The following ASXL1 variants were observed in gnomAD, a reference collection of about 807,000 sequenced individuals.
The protein encoded by ASXL1 is ASXL transcriptional regulator 1, also known as polycomb group protein ASXL1.
Under a neutral mutation model 89.1 loss-of-function variants are expected in ASXL1, and 65 were observed. That is an observed-to-expected ratio of 0.73 (90% CI 0.60 to 0.90). The LOEUF is 0.90. Among genes scored for constraint, ASXL1 ranks in the 40% least tolerant of loss-of-function variants. ASXL1 has a pLI of 0.00. For missense variants in ASXL1, 1,786 were observed against 1,942.9 expected (o/e 0.92, Z 1.52); for synonymous variants, 739 against 746.9 (o/e 0.99, Z 0.17).
At chr20:32,430,202 T>G in intron 8 of ASXL1, 149 bp downstream of exon 8, 1 of 1,102,070 alleles carries the variant, frequency 9.1e-7, no homozygotes, top group East Asian at 2.6e-5. Flanking sequence ...ACTTTGTAAT[T>G]TGCTTATTTC....
chr20:32,372,369 G>T, intron 4 of ASXL1: 1 of 1,136,668 alleles, frequency 8.8e-7, no homozygotes, highest in South Asian at 2.8e-5. Flanking sequence ...TTGTTCATTG[G>T]CCTTTTACAT....
intron 4 of ASXL1, among the ~76,000 whole-genome samples, chr20:32,390,717 C>G (rs1442417384): frequency 6.6e-6 from 1 of 152,064 alleles, no homozygotes; most frequent in Non-Finnish European, 1.5e-5. Context: ...CTTCTTTTTT[C>G]ACCCCCAGCT....
intron 1 of ASXL1, chr20:32,359,746 G>T (rs184415245): frequency 2.8e-6 from 2 of 718,042 alleles, no homozygotes; most frequent in Non-Finnish European, 5.2e-6. Context: ...TCGTTCAACC[G>T]ATGGGGGTTG....
At chr20:32,420,648 A>G (rs2049226690) in intron 4 of ASXL1, among the ~76,000 whole-genome samples, 1 of 152,248 alleles carries the variant, frequency 6.6e-6, no homozygotes. Context: ...AAGTAGAATG[A>G]AAAGCTTTTG....
intron 4 of ASXL1, among the ~76,000 whole-genome samples, chr20:32,401,965 G>A (rs2048883090): frequency 6.6e-6 from 1 of 152,190 alleles, no homozygotes; most frequent in Non-Finnish European, 1.5e-5. Flanking sequence ...TTATGTGAAT[G>A]TTGTTTCTCT....
chr20:32,368,817 C>G (rs2048247497), intron 3 of ASXL1, among the ~76,000 whole-genome samples, 198 bp from the exon 4 acceptor site: 1 of 152,078 alleles, frequency 6.6e-6, no homozygotes, highest in Admixed American at 6.6e-5. Context: ...AATGTTTATT[C>G]CAGAGTTTTC....
At chr20:32,386,520 T>G (rs1211575883) in intron 4 of ASXL1, among the ~76,000 whole-genome samples, 1 of 151,984 alleles carries the variant, frequency 6.6e-6, no homozygotes, top group African/African-American at 2.4e-5. Context: ...CGAGTTTAAG[T>G]AATTCTCATG....
intron 4 of ASXL1, among the ~76,000 whole-genome samples, chr20:32,388,478 AT>A (rs2048617468): frequency 6.6e-6 from 1 of 152,132 alleles, no homozygotes; most frequent in Non-Finnish European, 1.5e-5. Context: ...GCTTGGCCAA[AT>A]TTTTTATTCC....
At chr20:32,404,970 A>G (rs896920533) in intron 4 of ASXL1, among the ~76,000 whole-genome samples, 4 of 152,158 alleles carry the variant, frequency 2.6e-5, no homozygotes, top group Non-Finnish European at 5.9e-5. Flanking sequence ...CTTACTGACC[A>G]TTTTATCATC....
At chr20:32,404,734 C>A (rs1457063388) in intron 4 of ASXL1, among the ~76,000 whole-genome samples, 1 of 152,062 alleles carries the variant, frequency 6.6e-6, no homozygotes, top group Non-Finnish European at 1.5e-5. Context: ...GATAGAAAGC[C>A]TTTAGTCTTT....
chr20:32,385,698 C>T (rs2048567422), intron 4 of ASXL1, among the ~76,000 whole-genome samples: 1 of 152,080 alleles, frequency 6.6e-6, no homozygotes, highest in Non-Finnish European at 1.5e-5. Context: ...ACTGAAATAG[C>T]TTCTGCCTGG....
chr20:32,423,130 A>G (rs2011184853), intron 4 of ASXL1, among the ~76,000 whole-genome samples: 1 of 152,184 alleles, frequency 6.6e-6, no homozygotes, highest in Admixed American at 6.5e-5. Context: ...TTACAAATGC[A>G]GAATTGGCTG....
intron 4 of ASXL1, among the ~76,000 whole-genome samples, chr20:32,394,843 A>C (rs1184144036): frequency 6.6e-6 from 1 of 151,698 alleles, no homozygotes; most frequent in African/African-American, 2.4e-5. Flanking sequence ...CCTCCTGAGT[A>C]GCTGGGATTA....
At chr20:32,365,909 G>T (rs1418517271) in intron 1 of ASXL1, among the ~76,000 whole-genome samples, 1 of 152,182 alleles carries the variant, frequency 6.6e-6, no homozygotes, top group Non-Finnish European at 1.5e-5. Flanking sequence ...TTAGGAGGCT[G>T]AGGCGGGCAG....
intron 4 of ASXL1, among the ~76,000 whole-genome samples, chr20:32,386,789 CTT>C (rs11445027): frequency 5.4e-5 from 7 of 129,612 alleles, no homozygotes; most frequent in Non-Finnish European, 4.8e-5. Context: ...CTCTCTCTCT[CTT>C]TTTTTTTTTT....
intron 4 of ASXL1, among the ~76,000 whole-genome samples, chr20:32,410,045 C>T (rs2123100955): frequency 6.6e-6 from 1 of 152,202 alleles, no homozygotes; most frequent in Non-Finnish European, 1.5e-5. Flanking sequence ...GCATGTCCTC[C>T]TCAGTACATT....
At chr20:32,406,517 C>T (rs140441136) in intron 4 of ASXL1, among the ~76,000 whole-genome samples, 20 of 152,382 alleles carry the variant, frequency 1.3e-4, no homozygotes, top group African/African-American at 3.6e-4. Flanking sequence ...CACCACTGCA[C>T]TCCAGCCAGA....
At chr20:32,379,161 CTTTTTTTTTTTTTTTTTTTTTTTTTTTTT>C (rs71187113) in intron 4 of ASXL1, among the ~76,000 whole-genome samples, 1 of 61,760 alleles carries the variant, frequency 1.6e-5, no homozygotes, top group Non-Finnish European at 2.8e-5. Flanking sequence ...TAACTTCAGT[CTTTTTTTTTTTTTTTTTTTTTTTTTTTTT>C]TTTTTTTTTT....
chr20:32,397,297 T>C (rs996896746), intron 4 of ASXL1, among the ~76,000 whole-genome samples: 2 of 124,974 alleles, frequency 1.6e-5, no homozygotes, highest in African/African-American at 2.9e-5. Flanking sequence ...AGATGGGGTT[T>C]CATCATGTTG....
Sources: gnomAD v4.1 joint callset for allele counts (sites outside exome capture counted in the v4.1 genomes callset) on GRCh38, gnomAD v4.1.1 for gene constraint, MANE v1.5 for transcripts, NCBI Gene and HGNC (gene_info 2026-07-23, HGNC 2026-07-21) for gene names.